Variants in PCDHGB2 observed in about 807,000 individuals in gnomAD.
The protein encoded by PCDHGB2 is protocadherin gamma subfamily B, 2, also known as protocadherin gamma-B2.
A neutral mutation model predicts 59.3 loss-of-function variants in PCDHGB2; 55 were observed. The ratio of observed to expected loss-of-function variants is 0.93; its 90% CI spans 0.75 to 1.16. The LOEUF (loss-of-function observed/expected upper bound fraction) is 1.16, where lower values mean the gene tolerates loss of function less well. Among genes scored for constraint, PCDHGB2 ranks in the 50% most tolerant of loss-of-function variants. The probability of loss-of-function intolerance (pLI) is 0.00; values close to 1 mark genes in which losing one functional copy is unlikely to be tolerated. For synonymous variants in PCDHGB2, 516 were observed against 512.0 expected (o/e 1.01, Z -0.11); for missense variants, 1,228 against 1,198.5 (o/e 1.02, Z -0.36).
At chr5:141,430,737 A>G in intron 1 of PCDHGB2, 1 of 1,498,286 alleles carries the variant, frequency 6.7e-7, no homozygotes, top group South Asian at 1.4e-5. Flanking sequence ...CAGAATTGAA[A>G]ATAATTCTGG....
intron 1 of PCDHGB2, among the ~76,000 whole-genome samples, chr5:141,401,205 G>C (rs1479820661): frequency 6.6e-6 from 1 of 152,118 alleles, no homozygotes; most frequent in African/African-American, 2.4e-5. Context: ...AGCTGGGTGT[G>C]GTGGCGGGCG....
At chr5:141,384,183 A>G (rs1779806989) in intron 1 of PCDHGB2, 11 of 1,613,812 alleles carry the variant, frequency 6.8e-6, no homozygotes, top group Non-Finnish European at 9.3e-6. Context: ...CAGATGGTGG[A>G]ACTCCTCCCT....
intron 1 of PCDHGB2, chr5:141,422,899 G>A: frequency 2.5e-6 from 4 of 1,614,234 alleles, no homozygotes; most frequent in Non-Finnish European, 3.4e-6. Flanking sequence ...GGACCAGAAC[G>A]ACAATGCGCC....
chr5:141,417,658 G>C, intron 1 of PCDHGB2: 2 of 869,072 alleles, frequency 2.3e-6, no homozygotes, highest in Non-Finnish European at 1.7e-6. Context: ...TCTAGCCTGG[G>C]ATTCCCTGCG....
chr5:141,475,761 T>C (rs1430719406), intron 1 of PCDHGB2, among the ~76,000 whole-genome samples: 3 of 152,248 alleles, frequency 2.0e-5, no homozygotes, highest in Admixed American at 6.5e-5. Flanking sequence ...GCACCGATAC[T>C]GGCAAGGCGC....
chr5:141,372,473 A>G lies in PCDHGB2; in HGVS notation c.2421+9917A>G, dbSNP rs780091616. 54 of 1,613,996 alleles carry G rather than the reference A, an allele frequency of 3.3e-5. 1 individual carries two copies. The South Asian group carries it at 3.6e-4, about 11-fold the overall frequency. On this transcript the variant is annotated intron_variant, in intron 1 of 3. Transcript: ENST00000522605. ...AGGCGGAGCTACAGTTTCACCTAGT[A>G]GTGGCGTTGGCCTTGATCTCAGTGC... is the stretch of plus-strand genomic sequence containing the variant.
rs539905795 is a variant in PCDHGB2, at chr5:141,419,910, C to T, written c.2421+57354C>T. 1.5e-5 allele frequency: 25 copies of T among 1,614,086 alleles called. No individual in the cohort carries two copies. In the South Asian group the frequency reaches 2.4e-4, roughly 16 times the overall value. On this transcript the variant is annotated intron_variant, in intron 1 of 3. Coordinates refer to ENST00000522605, the MANE Select transcript of PCDHGB2 (RefSeq NM_018923.3). ...AGCGACCATCCCACACCCTCTGACT[C>T]CCAGGCTGAGATGCAGTTTTACCTG...
At chr5:141,404,170 G>T in intron 1 of PCDHGB2, 1 of 1,612,740 alleles carries the variant, frequency 6.2e-7, no homozygotes, top group Non-Finnish European at 8.5e-7. Flanking sequence ...GATTGTTGAC[G>T]GCCCAAATTC....
intron 1 of PCDHGB2, among the ~76,000 whole-genome samples, chr5:141,381,834 T>TTCTTC (rs1561589417): frequency 7.1e-6 from 1 of 140,214 alleles, no homozygotes; most frequent in African/African-American, 2.7e-5. Flanking sequence ...TTCTTTTTTT[T>TTCTTC]TTTTTTTTTT....
At chr5:141,475,715 C>T (rs989484033) in intron 1 of PCDHGB2, among the ~76,000 whole-genome samples, 1 of 152,366 alleles carries the variant, frequency 6.6e-6, no homozygotes, top group African/African-American at 2.4e-5. Context: ...AGCCTCACAG[C>T]CCCAAGGCTG....
intron 1 of PCDHGB2, among the ~76,000 whole-genome samples, chr5:141,434,221 G>T (rs760622311): frequency 6.6e-6 from 1 of 152,206 alleles, no homozygotes; most frequent in Admixed American, 6.5e-5. Flanking sequence ...TGTAAACAAA[G>T]TACGATTTCT....
chr5:141,433,742 C>T lies in PCDHGB2; in HGVS notation c.2422-61065C>T, dbSNP rs927651405. 2.6e-5 allele frequency among the ~76,000 whole-genome samples: 4 copies of T among 150,944 alleles called. No homozygotes were observed. The East Asian group carries it at 7.9e-4, about 30-fold the overall frequency. On this transcript the variant is annotated intron_variant, in intron 1 of 3. Coordinates refer to ENST00000522605, the MANE Select transcript of PCDHGB2 (RefSeq NM_018923.3). Reference sequence around the variant, plus strand: ...ATCCCAGCTACTTGGGAGGCTGAGTCAGGAGAATTGCTTTAACCTGGGAGG... The same window carrying T: ...ATCCCAGCTACTTGGGAGGCTGAGTTAGGAGAATTGCTTTAACCTGGGAGG...
rs776374898 is a variant in PCDHGB2, at chr5:141,414,958, G to A, written c.2421+52402G>A. ...AGAGCCCGGCTACCTGGTGACCAAG[G>A]TGGTGGCGGTGGACAGAGACTCCGG... On this transcript the variant is annotated intron_variant, in intron 1 of 3. Coordinates refer to ENST00000522605, the MANE Select transcript of PCDHGB2 (RefSeq NM_018923.3). The A allele has an allele frequency of 3.7e-6, 6 of 1,614,024 alleles. No homozygotes were observed. The South Asian group carries it at 4.4e-5, about 12-fold the overall frequency.
At chr5:141,375,620 A>T in intron 1 of PCDHGB2, 1 of 1,614,156 alleles carries the variant, frequency 6.2e-7, no homozygotes, top group African/African-American at 1.3e-5. Flanking sequence ...CGACACTGGG[A>T]TTCTGTACGC....
At chr5:141,398,521 A>C in intron 1 of PCDHGB2, 1 of 1,613,690 alleles carries the variant, frequency 6.2e-7, no homozygotes, top group Non-Finnish European at 8.5e-7. Context: ...CCACACGCCA[A>C]AATTCACGCA....
chr5:141,432,173 G>C lies in PCDHGB2; in HGVS notation c.2422-62634G>C, dbSNP rs771177256. On this transcript the variant is annotated intron_variant, in intron 1 of 3. Transcript: ENST00000522605. This position sits in a 1 kb window ranked among gnomAD's most constrained non-coding sequence, Gnocchi z 6.0. ...GAACAATCCCAGAGGAGTTTCCCTC[G>C]TCTCTGTGACCGCCCACGACCCCGA... The C allele has an allele frequency of 3.1e-6, 5 of 1,614,054 alleles. No homozygotes were observed. Among genetic ancestry groups the C allele is most frequent in the South Asian group, 1.1e-5 (1 of 91,054 alleles).
At chr5:141,362,637 TTGTC>T (rs1762610119) in intron 1 of PCDHGB2, 81 bp downstream of exon 1, 48 of 1,479,318 alleles carry the variant, frequency 3.2e-5, no homozygotes, top group Non-Finnish European at 4.2e-5. Context: ...GCGTATTTCT[TTGTC>T]TGTGAGTTAG....
intron 1 of PCDHGB2, chr5:141,388,690 A>T: frequency 6.2e-7 from 1 of 1,614,030 alleles, no homozygotes; most frequent in Middle Eastern, 1.6e-4. Context: ...GCCACGGACC[A>T]GGATGAGGGT....
chr5:141,366,931 G>GA, intron 1 of PCDHGB2: 2 of 939,892 alleles, frequency 2.1e-6, no homozygotes, highest in Non-Finnish European at 3.0e-6. Context: ...TCTGTTTTGG[G>GA]AAGTCTAGCT....
Sources: gnomAD v4.1 joint callset for allele counts (sites outside exome capture counted in the v4.1 genomes callset) on GRCh38, gnomAD v4.1.1 for gene constraint, Gnocchi (gnomAD v3.1) non-coding constraint, MANE v1.5 for transcripts, NCBI Gene and HGNC (gene_info 2026-07-23, HGNC 2026-07-21) for gene names.